The following TMEM130 variants were observed in gnomAD, a reference collection of about 807,000 sequenced individuals.
TMEM130 encodes the protein transmembrane protein 130.
TMEM130 carries 37 observed loss-of-function variants against 42.9 expected under a neutral mutation model. The observed-to-expected ratio is 0.86, with a 90% CI of 0.66 to 1.13. The LOEUF (loss-of-function observed/expected upper bound fraction) is 1.13. Ranked by LOEUF, TMEM130 falls within the 50% of genes most tolerant of loss-of-function variation. The pLI is 0.00. For synonymous variants in TMEM130, 259 were observed against 237.7 expected (o/e 1.09, Z -0.82); for missense variants, 545 against 562.6 (o/e 0.97, Z 0.32).
chr7:98,848,765 G>A, intron 6 of TMEM130, 70 bp from the exon 7 acceptor site: 1 of 1,083,266 alleles, frequency 9.2e-7, no homozygotes, highest in South Asian at 1.2e-5. Flanking sequence ...CAGGAAGCAA[G>A]CACAACAAAG....
intron 3 of TMEM130, among the ~76,000 whole-genome samples, chr7:98,859,821 C>T (rs991156458): frequency 6.6e-6 from 1 of 151,636 alleles, no homozygotes; most frequent in Non-Finnish European, 1.5e-5. Context: ...GAGGCCAAGA[C>T]AGGCACATCA....
Position 98,860,265 on chromosome 7 carries a change from G to A in TMEM130, c.465C>T (p.Thr155=), listed in dbSNP as rs76648437. The A allele has an allele frequency of 8.3e-4, 1,340 of 1,613,602 alleles. 25 individuals are homozygous for A. The East Asian group carries it at 0.029, about 35-fold the overall frequency. The change falls in exon 3 of 8, where the codon ACC becomes ACT. Residue 155 remains threonine, a synonymous_variant. Coordinates refer to ENST00000339375, the MANE Select transcript of TMEM130 (RefSeq NM_152913.3). Reference sequence around the variant, plus strand: ...GGAGGAGGAAGGAGACTTTCAGGACGGTCTTAGTGAGATAGGAGCTGGGCC... The same window carrying A: ...GGAGGAGGAAGGAGACTTTCAGGACAGTCTTAGTGAGATAGGAGCTGGGCC... ...LPWPSSYLTK[T]VLKVSFLLHD...
At chr7:98,862,194 T>C (rs1794785541) in intron 2 of TMEM130, among the ~76,000 whole-genome samples, 1 of 151,886 alleles carries the variant, frequency 6.6e-6, no homozygotes, top group Non-Finnish European at 1.5e-5. Flanking sequence ...CTGGAAAGTC[T>C]AAAGGGGCAA....
At chr7:98,862,406 G>C (rs576833362) in intron 2 of TMEM130, among the ~76,000 whole-genome samples, 3 of 150,848 alleles carry the variant, frequency 2.0e-5, no homozygotes, top group African/African-American at 7.3e-5. Flanking sequence ...CAGAGAGAAG[G>C]ACAGAGAGAG....
At chr7:98,866,811 A>T (rs542644867) in intron 1 of TMEM130, 1 of 152,180 alleles carries the variant, frequency 6.6e-6, no homozygotes, top group East Asian at 1.9e-4. Flanking sequence ...TTATAAAGGC[A>T]TTTGAGGCCG....
intron 5 of TMEM130, among the ~76,000 whole-genome samples, chr7:98,853,809 T>C (rs1794566360): frequency 6.6e-6 from 1 of 152,188 alleles, no homozygotes; most frequent in Admixed American, 6.5e-5. Context: ...CAGGCTGCCT[T>C]GATTAGACTG....
intron 7 of TMEM130, 135 bp downstream of exon 7, chr7:98,848,448 A>T (rs1218678999): frequency 3.3e-5 from 26 of 777,996 alleles, no homozygotes; most frequent in Non-Finnish European, 5.6e-5. Flanking sequence ...TCTTGGGCAC[A>T]TCACCCCAAG....
intron 1 of TMEM130, among the ~76,000 whole-genome samples, chr7:98,868,347 A>AGG (rs1258953266): frequency 6.6e-6 from 1 of 152,224 alleles, no homozygotes; most frequent in Non-Finnish European, 1.5e-5. Context: ...CCAGAGCTCA[A>AGG]GGGGCAAAAG....
At chr7:98,857,839 C>G (rs1294002675) in intron 3 of TMEM130, among the ~76,000 whole-genome samples, 1 of 150,988 alleles carries the variant, frequency 6.6e-6, no homozygotes, top group African/African-American at 2.4e-5. Flanking sequence ...ATTCTCCTGC[C>G]TCAGCCTCCC....
At chr7:98,868,200 G>C (rs1174974658) in intron 1 of TMEM130, among the ~76,000 whole-genome samples, 2 of 152,210 alleles carry the variant, frequency 1.3e-5, no homozygotes, top group Non-Finnish European at 2.9e-5. Flanking sequence ...CTGCACTCCA[G>C]CCTGGGTGAC....
chr7:98,849,051 A>G (rs930416442), intron 6 of TMEM130, among the ~76,000 whole-genome samples: 1 of 152,122 alleles, frequency 6.6e-6, no homozygotes, highest in African/African-American at 2.4e-5. Context: ...TCTAAGCCAT[A>G]AGAGACACCA....
chr7:98,860,729 G>C (rs755645770), intron 2 of TMEM130, among the ~76,000 whole-genome samples: 2 of 152,016 alleles, frequency 1.3e-5, no homozygotes, highest in Non-Finnish European at 2.9e-5. Context: ...TGGATCACAA[G>C]GTCAAGAGTT....
At chr7:98,856,908 C>CT (rs1160991994) in intron 3 of TMEM130, among the ~76,000 whole-genome samples, 11 of 149,224 alleles carry the variant, frequency 7.4e-5, no homozygotes, top group South Asian at 4.3e-4. Flanking sequence ...CTCTCTCTCC[C>CT]TTTTTTTTTT....
intron 2 of TMEM130, among the ~76,000 whole-genome samples, chr7:98,862,797 G>A (rs1201045661): frequency 6.6e-6 from 1 of 152,136 alleles, no homozygotes; most frequent in Non-Finnish European, 1.5e-5. Flanking sequence ...ACCGCGCCCA[G>A]CTGAGACTAC....
chr7:98,849,806 C>T (rs1314651886), intron 6 of TMEM130, among the ~76,000 whole-genome samples: 3 of 152,028 alleles, frequency 2.0e-5, no homozygotes, highest in Non-Finnish European at 4.4e-5. Flanking sequence ...CTTAGTTTCC[C>T]CTTTTGTAGC....
chr7:98,848,187 C>A lies in TMEM130; in HGVS notation c.1141G>T (p.Val381Phe). The A allele has an allele frequency of 6.2e-7, 1 of 1,614,084 alleles. No individual in the cohort carries two copies. Among genetic ancestry groups the A allele is most frequent in the Admixed American group, 1.7e-5 (1 of 59,996 alleles). The change falls in exon 8 of 8, where the codon GTC (valine) becomes TTC (phenylalanine). Residue 381 changes from valine to phenylalanine, a missense_variant. Coordinates refer to ENST00000339375, the MANE Select transcript of TMEM130 (RefSeq NM_152913.3). Reference protein sequence around the residue: ...MVENPEPPSGVRCCCQMCCGP... With the variant: ...MVENPEPPSGFRCCCQMCCGP... ...CAGCACATCTGGCAGCAGCACCTGA[C>A]CCCAGAGGGTGGCTCCGGGTTCTTG... is the stretch of plus-strand genomic sequence containing the variant.
At chr7:98,855,120 G>A (rs565176295) in intron 5 of TMEM130, 120 bp downstream of exon 5, 3 of 716,274 alleles carry the variant, frequency 4.2e-6, no homozygotes, top group African/African-American at 1.8e-5. Context: ...AAGTGGCACT[G>A]CCCTTCCATG....
intron 6 of TMEM130, among the ~76,000 whole-genome samples, chr7:98,850,269 A>ATTTTTTTTTTTTT (rs1244635646): frequency 3.3e-4 from 10 of 30,162 alleles, no homozygotes; most frequent in East Asian, 8.6e-4. Context: ...ATATATATAT[A>ATTTTTTTTTTTTT]TATATTTTTT....
chr7:98,858,963 G>T (rs1554399392), intron 3 of TMEM130, among the ~76,000 whole-genome samples: 2 of 137,440 alleles, frequency 1.5e-5, no homozygotes, highest in Non-Finnish European at 3.2e-5. Context: ...GGAGGGGAGG[G>T]TAGGAAGGAA....
Sources: gnomAD v4.1 joint callset for allele counts (sites outside exome capture counted in the v4.1 genomes callset) on GRCh38, gnomAD v4.1.1 for gene constraint, MANE v1.5 for transcripts, NCBI Gene and HGNC (gene_info 2026-07-23, HGNC 2026-07-21) for gene names.